Variants in LRRC7 observed in about 807,000 individuals in gnomAD.
LRRC7 encodes leucine rich repeat containing 7.
Under a neutral mutation model 175.7 loss-of-function variants are expected in LRRC7, and 23 were observed. That is an observed-to-expected ratio of 0.13 (90% CI 0.09 to 0.19). LRRC7 has a LOEUF of 0.19. LRRC7 is among the 10% of genes least tolerant of loss of function. The pLI, the probability that LRRC7 is intolerant of heterozygous loss-of-function variation, is 1.00. For synonymous variants in LRRC7, 685 were observed against 680.9 expected (o/e 1.01, Z -0.09); for missense variants, 1,354 against 1,904.7 (o/e 0.71, Z 5.38).
chr1:70,050,746 C>T (rs1660684428), intron 22 of LRRC7, among the ~76,000 whole-genome samples: 3 of 151,976 alleles, frequency 2.0e-5, no homozygotes, highest in African/African-American at 7.2e-5. Flanking sequence ...TAGCTATACT[C>T]CTTTGGGAAA....
chr1:69,698,858 A>G (rs1275603005), intron 2 of LRRC7, among the ~76,000 whole-genome samples: 1 of 152,180 alleles, frequency 6.6e-6, no homozygotes, highest in Non-Finnish European at 1.5e-5. Context: ...TTATTGGTCA[A>G]TGCTTTAGTC....
intron 24 of LRRC7, among the ~76,000 whole-genome samples, chr1:70,078,112 G>A (rs191965133): frequency 2.0e-4 from 30 of 152,264 alleles, no homozygotes; most frequent in South Asian, 8.3e-4. Context: ...ATAAATACTC[G>A]TGGTGATAGG....
chr1:69,798,264 C>G (rs748613151), intron 4 of LRRC7, among the ~76,000 whole-genome samples: 13 of 152,170 alleles, frequency 8.5e-5, no homozygotes, highest in Middle Eastern at 3.4e-3. Context: ...GAAGAGCTTC[C>G]TCAAATAGTG....
chr1:69,776,765 C>G (rs1672857314), intron 3 of LRRC7, among the ~76,000 whole-genome samples: 1 of 150,988 alleles, frequency 6.6e-6, no homozygotes, highest in Non-Finnish European at 1.5e-5. Context: ...CTGCTTCTTG[C>G]TTTCCTGGTA....
At chr1:69,711,289 G>A (rs570143696) in intron 2 of LRRC7, among the ~76,000 whole-genome samples, 4 of 152,260 alleles carry the variant, frequency 2.6e-5, no homozygotes, top group South Asian at 4.1e-4. Context: ...TTGGAGTAAT[G>A]CTTATCACAT....
intron 7 of LRRC7, among the ~76,000 whole-genome samples, chr1:69,885,609 T>C (rs1243985154): frequency 7.5e-6 from 1 of 132,484 alleles, no homozygotes; most frequent in Non-Finnish European, 1.6e-5. Context: ...TTTGTGTCTC[T>C]ATTTCCTTCA....
intron 23 of LRRC7, among the ~76,000 whole-genome samples, chr1:70,058,520 T>C (rs1236837276): frequency 1.3e-5 from 2 of 152,224 alleles, no homozygotes; most frequent in African/African-American, 4.8e-5. Flanking sequence ...TTACATCACT[T>C]CTGTTACTCC....
intron 1 of LRRC7, chr1:69,607,114 T>C (rs551895508): frequency 6.6e-6 from 1 of 152,120 alleles, no homozygotes; most frequent in Non-Finnish European, 1.5e-5. Flanking sequence ...TTTTTGTTGG[T>C]TTGGAATATT....
chr1:69,945,312 A>G (rs1649190519), intron 8 of LRRC7, among the ~76,000 whole-genome samples: 1 of 152,048 alleles, frequency 6.6e-6, no homozygotes. Context: ...GTTCATTAGT[A>G]TAAATGTGGT....
chr1:70,096,227 G>A (rs761772565), intron 25 of LRRC7, among the ~76,000 whole-genome samples: 10 of 152,084 alleles, frequency 6.6e-5, no homozygotes, highest in Non-Finnish European at 1.0e-4. Flanking sequence ...TCCGCCTGCC[G>A]CGGCCTCCCA....
chr1:69,795,992 G>T (rs1675709696), intron 4 of LRRC7, among the ~76,000 whole-genome samples: 1 of 150,390 alleles, frequency 6.6e-6, no homozygotes. Context: ...TAAGTTTTAG[G>T]GTACATGTGC....
chr1:69,621,676 T>C (rs1650634223), intron 1 of LRRC7, among the ~76,000 whole-genome samples: 1 of 152,194 alleles, frequency 6.6e-6, no homozygotes, highest in Admixed American at 6.5e-5. Context: ...TTTGTGAAAG[T>C]ATGCCCATAC....
At chr1:70,048,386 ACT>A (rs1184091448) in intron 22 of LRRC7, among the ~76,000 whole-genome samples, 1 of 152,046 alleles carries the variant, frequency 6.6e-6, no homozygotes, top group African/African-American at 2.4e-5. Context: ...ACACCAAAGA[ACT>A]CACCTGTATT....
At chr1:69,733,611 G>T (rs1271872875) in intron 2 of LRRC7, among the ~76,000 whole-genome samples, 2 of 151,978 alleles carry the variant, frequency 1.3e-5, no homozygotes, top group Non-Finnish European at 2.9e-5. Flanking sequence ...GGCCTCTCCT[G>T]TTGTAACTTC....
intron 11 of LRRC7, among the ~76,000 whole-genome samples, chr1:70,004,425 T>A (rs1018982851): frequency 2.0e-5 from 3 of 152,156 alleles, no homozygotes; most frequent in African/African-American, 7.2e-5. Context: ...AAAATGAGTA[T>A]AGCAGCAAAA....
intron 1 of LRRC7, among the ~76,000 whole-genome samples, chr1:69,639,972 G>T (rs530115339): frequency 1.3e-5 from 2 of 151,786 alleles, no homozygotes; most frequent in Admixed American, 6.6e-5. Context: ...CTAGATATCT[G>T]GTTCTTGTTC....
intron 11 of LRRC7, among the ~76,000 whole-genome samples, chr1:70,001,681 A>G (rs1655535232): frequency 6.6e-6 from 1 of 152,224 alleles, no homozygotes; most frequent in African/African-American, 2.4e-5. Context: ...CATTTTTCAC[A>G]GTTAAAATGG....
intron 4 of LRRC7, among the ~76,000 whole-genome samples, chr1:69,802,855 C>T (rs1385015491): frequency 6.6e-6 from 1 of 151,280 alleles, no homozygotes; most frequent in Non-Finnish European, 1.5e-5. Context: ...AGAAAATCTT[C>T]CCTACTCTAA....
At chr1:69,623,431 T>C (rs1437946802) in intron 1 of LRRC7, among the ~76,000 whole-genome samples, 2 of 148,544 alleles carry the variant, frequency 1.3e-5, no homozygotes, top group African/African-American at 2.5e-5. Context: ...AGCTCTGCTA[T>C]GAGGAAAAAA....
Sources: allele counts gnomAD v4.1 joint callset (sites outside exome capture counted in the v4.1 genomes callset), GRCh38; gene constraint gnomAD v4.1.1; transcripts MANE v1.5; gene names NCBI Gene and HGNC (gene_info 2026-07-23, HGNC 2026-07-21).